The following RNF220 variants were observed in gnomAD, a reference collection of about 807,000 sequenced individuals.
The protein encoded by RNF220 is E3 ubiquitin-protein ligase RNF220.
In RNF220, 7 loss-of-function variants were observed where a neutral mutation model predicts 67.1. The observed-to-expected ratio is 0.10, with a 90% CI of 0.06 to 0.20. The LOEUF (loss-of-function observed/expected upper bound fraction) is 0.20, where lower values mean the gene tolerates loss of function less well. RNF220 is among the 10% of genes least tolerant of loss of function. The pLI, the probability that RNF220 is intolerant of heterozygous loss-of-function variation, is 1.00. For synonymous variants in RNF220, 270 were observed against 283.2 expected, an observed-to-expected ratio of 0.95 and a Z score of 0.47; for missense variants, 565 against 740.3, an observed-to-expected ratio of 0.76 and a Z score of 2.75.
At chr1:44,422,261 C>T (rs1649306422) in intron 2 of RNF220, among the ~76,000 whole-genome samples, 2 of 152,072 alleles carry the variant, frequency 1.3e-5, no homozygotes, top group Non-Finnish European at 2.9e-5. Context: ...AGGGCAGTGG[C>T]GCATGCTCGG....
chr1:44,520,001 C>A (rs1385800037), intron 2 of RNF220, among the ~76,000 whole-genome samples: 6 of 150,776 alleles, frequency 4.0e-5, no homozygotes, highest in Non-Finnish European at 8.8e-5. Flanking sequence ...AGAGACATGA[C>A]AAGAAGGGAC....
intron 2 of RNF220, among the ~76,000 whole-genome samples, chr1:44,418,491 T>C (rs1572433708): frequency 6.6e-6 from 1 of 152,042 alleles, no homozygotes; most frequent in African/African-American, 2.4e-5. Flanking sequence ...GCAAGGCGAG[T>C]CGCGGTGGCC....
intron 2 of RNF220, among the ~76,000 whole-genome samples, chr1:44,562,364 G>A (rs1253970999): frequency 6.6e-6 from 1 of 152,210 alleles, no homozygotes; most frequent in South Asian, 2.1e-4. Flanking sequence ...AAACCCATGT[G>A]TCAGGGCCCG....
At chr1:44,464,780 T>C (rs984115752) in intron 2 of RNF220, among the ~76,000 whole-genome samples, 2 of 152,224 alleles carry the variant, frequency 1.3e-5, no homozygotes, top group African/African-American at 4.8e-5. Flanking sequence ...ATTTCTCTTC[T>C]TCATTCTCAC....
chr1:44,496,038 A>C (rs1345431419), intron 2 of RNF220, among the ~76,000 whole-genome samples: 4 of 152,124 alleles, frequency 2.6e-5, no homozygotes, highest in Non-Finnish European at 4.4e-5. Flanking sequence ...CTGAATCCTA[A>C]AGACTACGGG....
rs764129148 is a variant in RNF220 at position 44,626,434 on chromosome 1, C to T, written c.906+36C>T. On this transcript the variant is annotated intron_variant, in intron 5 of 14. Coordinates refer to ENST00000361799, the MANE Select transcript of RNF220 (RefSeq NM_018150.4). ...GTGGTGAGTGGCCATGAGAAGCAAG[C>T]TCACCTGGGGGAGGGCTTCAAGAGC... is the stretch of plus-strand genomic sequence containing the variant. 23 of 1,541,066 alleles carry T rather than the reference C, an allele frequency of 1.5e-5. No homozygotes were observed. In the South Asian group the frequency reaches 2.3e-4, roughly 16 times the overall value.
At position 44,621,309 on chromosome 1, in the gene RNF220, T is replaced by C. The variant is rs1643784834; in HGVS notation, c.759-1433T>C. Among the ~76,000 whole-genome samples the C allele has an allele frequency of 6.6e-6, 1 of 152,230 alleles. No homozygotes were observed. Among genetic ancestry groups the C allele is most frequent in the Non-Finnish European group, 1.5e-5 (1 of 68,036 alleles). On this transcript the variant is annotated intron_variant, in intron 3 of 14. Coordinates refer to ENST00000361799, the MANE Select transcript of RNF220 (RefSeq NM_018150.4). The surrounding 1 kb of genome is among the most constrained non-coding windows in gnomAD (Gnocchi z 4.8). ...CTGAGTCTCCAGGTGTGACTGGTTATATCTGTGCCTGTTGGCAGAATTATA... is the reference window on the plus strand; with the variant it reads ...CTGAGTCTCCAGGTGTGACTGGTTACATCTGTGCCTGTTGGCAGAATTATA...
intron 12 of RNF220, chr1:44,648,864 C>T (rs959983110): frequency 6.6e-6 from 1 of 152,350 alleles, no homozygotes; most frequent in Non-Finnish European, 1.5e-5. Flanking sequence ...GGAACCCATA[C>T]TCAGGAACTT....
chr1:44,616,905 TGCACTTCTGCCAACA>T (rs1280132577), intron 3 of RNF220, among the ~76,000 whole-genome samples: 1 of 152,144 alleles, frequency 6.6e-6, no homozygotes, highest in Non-Finnish European at 1.5e-5. Context: ...GTCCAGGGCA[TGCACTTCTGCCAACA>T]GCCTTCCTTT....
At chr1:44,611,333 C>A (rs1401963187) in intron 2 of RNF220, among the ~76,000 whole-genome samples, 1 of 152,234 alleles carries the variant, frequency 6.6e-6, no homozygotes, top group Non-Finnish European at 1.5e-5. Flanking sequence ...AGCAGATGAA[C>A]TGAGTACAGG....
intron 2 of RNF220, among the ~76,000 whole-genome samples, chr1:44,444,018 G>A (rs1651826009): frequency 6.6e-6 from 1 of 152,206 alleles, no homozygotes; most frequent in East Asian, 1.9e-4. Context: ...TTGAACCCGG[G>A]AGGTGGAGGT....
chr1:44,632,400 G>GCCCCCGC lies in RNF220; in HGVS notation c.949+19_949+20insCGCCCCC. 1.2e-6 allele frequency: 2 copies of GCCCCCGC among 1,607,448 alleles called. No individual in the cohort carries two copies. The highest frequency in any genetic ancestry group is 8.5e-7 in the Non-Finnish European group (1 of 1,177,492). On this transcript the variant is annotated intron_variant, in intron 6 of 14. Transcript: ENST00000361799. Reference sequence around the variant, plus strand: ...CCGACTGAATGGTGAGTCCTGCCCGGCCCCTCCCTCCGCCCCACCCCCGGC... The same window carrying GCCCCCGC: ...CCGACTGAATGGTGAGTCCTGCCCGGCCCCCGCCCCCTCCCTCCGCCCCACCCCCGGC...
In RNF220 at chr1:44,412,078, G is replaced by A. The variant is rs369067744; in HGVS notation, c.-20G>A. On this transcript the variant is annotated 5_prime_UTR_variant, in exon 2 of 15. Coordinates refer to ENST00000361799, the MANE Select transcript of RNF220 (RefSeq NM_018150.4). The surrounding 1 kb of genome is among the most constrained non-coding windows in gnomAD (Gnocchi z 5.3). ...GGAAGACTGCTTCTTGCGTAACGCC[G>A]GCCACAGAAAGAGACTCCGATGGAC... 9.7e-5 allele frequency: 154 copies of A among 1,592,296 alleles called. No individual in the cohort carries two copies. The highest frequency in any genetic ancestry group is 1.2e-4 in the Non-Finnish European group (137 of 1,167,262).
At chr1:44,521,919 C>CAG (rs1008410224) in intron 2 of RNF220, among the ~76,000 whole-genome samples, 1 of 152,130 alleles carries the variant, frequency 6.6e-6, no homozygotes, top group African/African-American at 2.4e-5. Flanking sequence ...GTATTCCAAT[C>CAG]AGAGAGAACA....
Position 44,626,319 on chromosome 1 carries a change from T to A in RNF220, c.827T>A (p.Ile276Asn), listed in dbSNP as rs1426190513. 1 of 1,614,026 alleles carries A rather than the reference T, an allele frequency of 6.2e-7. No individual in the cohort carries two copies. ...TPKSLLLSAS[I>N]KREGESPTAS... ...CAGTCCCTCCTGTTGTCTGCTTCCATCAAGAGGGAAGGAGAGTCTCCAACG... is the reference window on the plus strand; with the variant it reads ...CAGTCCCTCCTGTTGTCTGCTTCCAACAAGAGGGAAGGAGAGTCTCCAACG... The change falls in exon 5 of 15, where the codon ATC (isoleucine) becomes AAC (asparagine). Residue 276 changes from isoleucine to asparagine, a missense_variant. Physicochemically the swap from Ile to Asn is moderately radical, Grantham distance 149. Coordinates refer to ENST00000361799, the MANE Select transcript of RNF220 (RefSeq NM_018150.4).
intron 2 of RNF220, among the ~76,000 whole-genome samples, chr1:44,470,879 A>G (rs2147991001): frequency 6.6e-6 from 1 of 152,218 alleles, no homozygotes; most frequent in Non-Finnish European, 1.5e-5. Flanking sequence ...TCGTGGCCTG[A>G]CAAATAGGAG....
intron 2 of RNF220, among the ~76,000 whole-genome samples, chr1:44,562,969 AG>A (rs1663699060): frequency 6.6e-6 from 1 of 152,070 alleles, no homozygotes; most frequent in Admixed American, 6.5e-5. Context: ...GTCTTGGGGG[AG>A]CTGTGGACCT....
intron 2 of RNF220, among the ~76,000 whole-genome samples, chr1:44,566,207 C>T (rs574377106): frequency 8.5e-5 from 13 of 152,284 alleles, no homozygotes; most frequent in East Asian, 7.7e-4. Context: ...GGGAGTGCAG[C>T]GCCCAGCCCA....
At chr1:44,550,711 C>T (rs1662559189) in intron 2 of RNF220, among the ~76,000 whole-genome samples, 1 of 152,192 alleles carries the variant, frequency 6.6e-6, no homozygotes, top group African/African-American at 2.4e-5. Context: ...GGAGCTGTAC[C>T]AAAGTATAAC....
Sources: gnomAD v4.1 joint callset for allele counts (sites outside exome capture counted in the v4.1 genomes callset) on GRCh38, gnomAD v4.1.1 for gene constraint, Gnocchi (gnomAD v3.1) non-coding constraint, MANE v1.5 for transcripts, NCBI Gene and HGNC (gene_info 2026-07-23, HGNC 2026-07-21) for gene names.